Variants in NCKAP5 observed in about 807,000 individuals in gnomAD.
The protein encoded by NCKAP5 is NCK associated protein 5.
Under a neutral mutation model 167.0 loss-of-function variants are expected in NCKAP5, and 92 were observed. That is an observed-to-expected ratio of 0.55 (90% CI 0.47 to 0.66). The LOEUF (loss-of-function observed/expected upper bound fraction) is 0.66, where lower values mean the gene tolerates loss of function less well. Ranked by LOEUF, NCKAP5 falls within the 30% of genes least tolerant of loss-of-function variation. NCKAP5 has a pLI of 0.00. For missense variants in NCKAP5, 2,378 were observed against 2,315.0 expected, an observed-to-expected ratio of 1.03 and a Z score of -0.56; for synonymous variants, 891 against 877.4, an observed-to-expected ratio of 1.02 and a Z score of -0.27.
chr2:132,855,442 A>G (rs1223547012), intron 11 of NCKAP5, among the ~76,000 whole-genome samples: 1 of 152,134 alleles, frequency 6.6e-6, no homozygotes, highest in Non-Finnish European at 1.5e-5. Flanking sequence ...TCTAAATTAG[A>G]TATCAGGTTT....
At chr2:133,350,775 C>A (rs1001349653) in intron 3 of NCKAP5, among the ~76,000 whole-genome samples, 1 of 152,026 alleles carries the variant, frequency 6.6e-6, no homozygotes, top group African/African-American at 2.4e-5. Flanking sequence ...TGACACAGAC[C>A]CCCTTTTAGT....
chr2:133,044,393 A>G (rs1486596134), intron 6 of NCKAP5, among the ~76,000 whole-genome samples: 2 of 152,136 alleles, frequency 1.3e-5, no homozygotes, highest in East Asian at 1.9e-4. Flanking sequence ...CCAACAAACA[A>G]TCCAAGGAAA....
chr2:132,846,062 C>T (rs745438678), intron 11 of NCKAP5, among the ~76,000 whole-genome samples: 1 of 152,010 alleles, frequency 6.6e-6, no homozygotes, highest in Non-Finnish European at 1.5e-5. Context: ...TTCTCAATTA[C>T]ATTTTCCAAT....
At chr2:133,067,000 G>C (rs1335297752) in intron 6 of NCKAP5, among the ~76,000 whole-genome samples, 1 of 151,194 alleles carries the variant, frequency 6.6e-6, no homozygotes, top group East Asian at 2.0e-4. Flanking sequence ...AATCTGAACA[G>C]GATGGAGGAA....
At chr2:133,204,342 A>G (rs1417846705) in intron 5 of NCKAP5, among the ~76,000 whole-genome samples, 4 of 152,200 alleles carry the variant, frequency 2.6e-5, no homozygotes, top group Non-Finnish European at 5.9e-5. Context: ...CTTCATCAAA[A>G]CATTAAATAA....
intron 12 of NCKAP5, among the ~76,000 whole-genome samples, chr2:132,793,930 G>A (rs1471903792): frequency 6.6e-6 from 1 of 151,744 alleles, no homozygotes; most frequent in Non-Finnish European, 1.5e-5. Context: ...AGTTTCCTTC[G>A]TCAGCATGTG....
At chr2:133,665,565 T>A in the NCKAP5 span, among the ~76,000 whole-genome samples, 9 of 152,310 alleles carry the variant, frequency 5.9e-5, no homozygotes, top group Non-Finnish European at 8.8e-5. Flanking sequence ...CCAAAGCAGA[T>A]ATATAAATAG....
At chr2:132,804,470 A>C (rs971215371) in intron 11 of NCKAP5, among the ~76,000 whole-genome samples, 54 of 152,280 alleles carry the variant, frequency 3.5e-4, no homozygotes, top group African/African-American at 1.2e-3. Flanking sequence ...TATTTTTGAA[A>C]AGTTCTGACT....
At chr2:133,068,390 T>G (rs2080271864) in intron 6 of NCKAP5, among the ~76,000 whole-genome samples, 1 of 152,216 alleles carries the variant, frequency 6.6e-6, no homozygotes, top group Non-Finnish European at 1.5e-5. Context: ...TTTCATATGG[T>G]CTGTATTTCT....
chr2:132,765,336 G>A (rs1386353466), intron 16 of NCKAP5, among the ~76,000 whole-genome samples: 1 of 142,230 alleles, frequency 7.0e-6, no homozygotes, highest in Non-Finnish European at 1.5e-5. Context: ...TTTTGAGACG[G>A]AGTTTCGCTC....
intron 11 of NCKAP5, among the ~76,000 whole-genome samples, chr2:132,799,023 A>C (rs1176045878): frequency 6.6e-6 from 1 of 152,176 alleles, no homozygotes; most frequent in Admixed American, 6.6e-5. Flanking sequence ...AAGTAGTGGA[A>C]TGGATAAAGA....
At chr2:133,666,399 T>C in the NCKAP5 span, among the ~76,000 whole-genome samples, 10 of 151,830 alleles carry the variant, frequency 6.6e-5, no homozygotes, top group Non-Finnish European at 1.5e-4. Context: ...GGTTTCAACA[T>C]GTTGGCCAGG....
intron 2 of NCKAP5, among the ~76,000 whole-genome samples, chr2:133,530,113 C>T (rs1685244438): frequency 6.6e-6 from 1 of 152,006 alleles, no homozygotes; most frequent in Non-Finnish European, 1.5e-5. Flanking sequence ...TCTTGTAAAC[C>T]TACGTAAAGC....
rs34750625 is a variant in NCKAP5 at position 133,326,458 on chromosome 2, CAAAAAAA to C, written c.70-23355_70-23349del. Among the ~76,000 whole-genome samples the C allele has an allele frequency of 9.3e-3, 455 of 49,020 alleles. 4 individuals carry two copies. The highest frequency in any genetic ancestry group is 0.018 in the African/African-American group (273 of 15,064). The allele number at this position is 49,020 out of a possible 152,430, so 32.2% of individuals were successfully genotyped here. A position where few individuals can be genotyped will look rare whatever the true frequency, so the allele number is the denominator to read the frequency against. On this transcript the variant is annotated intron_variant, in intron 3 of 19. Transcript: ENST00000409261. ...GTGACAGAGCAAGACTCAGTCTCAA[CAAAAAAA>C]AAAAAAAAAAAAAAAGAGAAAAAGA...
chr2:133,647,376 A>AAGGAAGGAAGAAAGGAAGGAAGGAAGG, the NCKAP5 span, among the ~76,000 whole-genome samples: 2 of 82,482 alleles, frequency 2.4e-5, no homozygotes, highest in East Asian at 3.7e-4. Context: ...AGGAAGAAAG[A>AAGGAAGGAAGAAAGGAAGGAAGGAAGG]AAGGAAGGAA....
At chr2:133,156,553 C>G (rs1178750554) in intron 5 of NCKAP5, among the ~76,000 whole-genome samples, 1 of 152,156 alleles carries the variant, frequency 6.6e-6, no homozygotes, top group African/African-American at 2.4e-5. Context: ...ATTCCAGTTT[C>G]TTTCCCTAAC....
In NCKAP5 at chr2:132,672,864, G is replaced by C; in HGVS notation, c.*425C>G. ...GGAGTCTATCTTTATTGCCCTGTCA[G>C]AGAAATAAGCTCTGGTGGGTTGCCT... On this transcript the variant is annotated 3_prime_UTR_variant, in exon 20 of 20. Transcript: ENST00000409261. 1 of 621,088 alleles carries C rather than the reference G, an allele frequency of 1.6e-6. No homozygotes were observed. Among genetic ancestry groups the C allele is most frequent in the Non-Finnish European group, 2.0e-6 (1 of 496,436 alleles). The allele number at this position is 621,088 out of a possible 1,614,324, so 38.5% of individuals were successfully genotyped here.
At chr2:133,133,174 G>A (rs934628264) in intron 5 of NCKAP5, among the ~76,000 whole-genome samples, 1 of 152,162 alleles carries the variant, frequency 6.6e-6, no homozygotes, top group African/African-American at 2.4e-5. Context: ...AACAGTTGCT[G>A]TTATTTACAC....
intron 11 of NCKAP5, among the ~76,000 whole-genome samples, chr2:132,847,346 A>C (rs1441768367): frequency 6.6e-6 from 1 of 152,208 alleles, no homozygotes; most frequent in Non-Finnish European, 1.5e-5. Flanking sequence ...ACAACCAAGA[A>C]GTTAGTATTG....
Sources: allele counts gnomAD v4.1 joint callset (sites outside exome capture counted in the v4.1 genomes callset), GRCh38; gene constraint gnomAD v4.1.1; transcripts MANE v1.5; gene names NCBI Gene and HGNC (gene_info 2026-07-23, HGNC 2026-07-21).